HNF4G: variants seen among roughly 807,000 people sequenced by gnomAD.
The protein encoded by HNF4G is hepatocyte nuclear factor 4-gamma.
HNF4G carries 21 observed loss-of-function variants against 50.9 expected under a neutral mutation model. The observed-to-expected ratio is 0.41, with a 90% CI of 0.29 to 0.59. The LOEUF (loss-of-function observed/expected upper bound fraction) is 0.59, where lower values mean the gene tolerates loss of function less well. Among genes scored for constraint, HNF4G ranks in the 20% least tolerant of loss-of-function variants. The pLI, the probability that HNF4G is intolerant of heterozygous loss-of-function variation, is 0.26. For missense variants in HNF4G, 527 were observed against 559.4 expected (o/e 0.94, Z 0.58); for synonymous variants, 198 against 185.6 (o/e 1.07, Z -0.54).
chr8:75,483,699 T>A (rs1812434587), intron 1 of HNF4G, among the ~76,000 whole-genome samples: 1 of 152,230 alleles, frequency 6.6e-6, no homozygotes, highest in African/African-American at 2.4e-5. Flanking sequence ...GTCCGCTCTC[T>A]TAAAACTGAG....
chr8:75,460,343 T>A (rs1041230590), intron 1 of HNF4G, among the ~76,000 whole-genome samples: 2 of 152,164 alleles, frequency 1.3e-5, no homozygotes, highest in African/African-American at 2.4e-5. Context: ...AATCTATAAA[T>A]GCAAACCATG....
At chr8:75,462,199 G>A (rs980754864) in intron 1 of HNF4G, among the ~76,000 whole-genome samples, 144 of 152,274 alleles carry the variant, frequency 9.5e-4, no homozygotes, top group Middle Eastern at 3.4e-3. Flanking sequence ...TTACAGGTGT[G>A]AGCCACTGCG....
At chr8:75,477,697 G>A (rs1313442797) in intron 1 of HNF4G, among the ~76,000 whole-genome samples, 1 of 152,008 alleles carries the variant, frequency 6.6e-6, no homozygotes, top group Non-Finnish European at 1.5e-5. Flanking sequence ...GCCGGGCGTG[G>A]TGGCTCACAC....
intron 2 of HNF4G, among the ~76,000 whole-genome samples, chr8:75,507,671 T>C (rs546208006): frequency 1.1e-4 from 16 of 152,342 alleles, no homozygotes; most frequent in African/African-American, 2.9e-4. Context: ...TGATGTGCTA[T>C]ACTCTTCAAA....
At chr8:75,554,838 G>C (rs1441874764) in intron 5 of HNF4G, among the ~76,000 whole-genome samples, 1 of 152,194 alleles carries the variant, frequency 6.6e-6, no homozygotes, top group African/African-American at 2.4e-5. Flanking sequence ...GGGATAAAAT[G>C]AGAAGAGATA....
chr8:75,510,378 A>G (rs1316214339), intron 2 of HNF4G, among the ~76,000 whole-genome samples: 1 of 152,184 alleles, frequency 6.6e-6, no homozygotes, highest in East Asian at 1.9e-4. Context: ...ATTTTAAAAT[A>G]AATTCAGTGT....
At chr8:75,542,166 G>A (rs376882498) in intron 1 of HNF4G, among the ~76,000 whole-genome samples, 1 of 151,956 alleles carries the variant, frequency 6.6e-6, no homozygotes, top group African/African-American at 2.4e-5. Flanking sequence ...CTAGCTGGAT[G>A]TGGTGATGTA....
At chr8:75,472,400 C>T (rs188033012) in intron 1 of HNF4G, among the ~76,000 whole-genome samples, 31 of 152,224 alleles carry the variant, frequency 2.0e-4, no homozygotes, top group Middle Eastern at 3.4e-3. Flanking sequence ...AAACTTTGTG[C>T]AGTAGAATTT....
intron 2 of HNF4G, among the ~76,000 whole-genome samples, chr8:75,530,724 C>T (rs978154427): frequency 2.6e-5 from 4 of 151,194 alleles, no homozygotes; most frequent in African/African-American, 7.3e-5. Context: ...AAGAGCAAAG[C>T]TGCAAAGAGA....
At chr8:75,528,525 T>C (rs1806240895) in intron 2 of HNF4G, among the ~76,000 whole-genome samples, 1 of 152,206 alleles carries the variant, frequency 6.6e-6, no homozygotes, top group African/African-American at 2.4e-5. Context: ...CTTCACTTTC[T>C]CTGTGTTTGA....
intron 4 of HNF4G, among the ~76,000 whole-genome samples, chr8:75,552,483 A>G (rs1203825064): frequency 2.0e-5 from 3 of 152,150 alleles, no homozygotes; most frequent in African/African-American, 7.2e-5. Context: ...CAAATTTATT[A>G]TATGTTAAGC....
At chr8:75,512,506 C>T (rs949378930) in intron 2 of HNF4G, among the ~76,000 whole-genome samples, 2 of 151,120 alleles carry the variant, frequency 1.3e-5, no homozygotes, top group African/African-American at 4.9e-5. Context: ...ACTCTGTCGC[C>T]CAGGCTGGAG....
At chr8:75,414,569 A>C (rs531979200) in intron 1 of HNF4G, among the ~76,000 whole-genome samples, 1 of 152,174 alleles carries the variant, frequency 6.6e-6, no homozygotes, top group African/African-American at 2.4e-5. Flanking sequence ...CCCTGTCCCA[A>C]AGCAACCATT....
At chr8:75,427,020 A>G (rs995006173) in intron 1 of HNF4G, among the ~76,000 whole-genome samples, 14 of 152,168 alleles carry the variant, frequency 9.2e-5, no homozygotes, top group Non-Finnish European at 2.1e-4. Context: ...AAGTGGTTTT[A>G]GTTTTGAAAA....
At chr8:75,420,901 G>A (rs989197273) in intron 1 of HNF4G, among the ~76,000 whole-genome samples, 5 of 152,104 alleles carry the variant, frequency 3.3e-5, no homozygotes, top group Non-Finnish European at 2.9e-5. Context: ...ATTACATGAC[G>A]TAATTATTTT....
In HNF4G at chr8:75,497,500, A is replaced by G. The variant is rs190508148; in HGVS notation, c.-24+7292A>G. ...GGAGTTCGAGGTCAGTGTGGCCAAC[A>G]TGGTGAAACCCCGTCTCTACTAAAA... On this transcript the variant is annotated intron_variant, in intron 2 of 10. Transcript: ENST00000354370. 1.3e-3 allele frequency among the ~76,000 whole-genome samples: 202 copies of G among 152,266 alleles called. 1 individual carries two copies. The highest frequency in any genetic ancestry group is 2.4e-3 in the Non-Finnish European group (160 of 68,012).
intron 2 of HNF4G, among the ~76,000 whole-genome samples, chr8:75,522,214 A>C (rs747277638): frequency 5.3e-5 from 8 of 152,232 alleles, no homozygotes; most frequent in Non-Finnish European, 1.0e-4. Flanking sequence ...TAATTAAACA[A>C]ACTTTTTTTA....
chr8:75,521,354 A>C (rs570268807), intron 2 of HNF4G, among the ~76,000 whole-genome samples: 35 of 152,332 alleles, frequency 2.3e-4, no homozygotes, highest in African/African-American at 7.9e-4. Context: ...AGTGCGACAC[A>C]AGCAAATTAT....
At chr8:75,408,462 T>C (rs1001011937) in intron 1 of HNF4G, among the ~76,000 whole-genome samples, 2 of 152,128 alleles carry the variant, frequency 1.3e-5, no homozygotes, top group African/African-American at 4.8e-5. Flanking sequence ...ACCCCATGCA[T>C]GGCCTTTGCT....
Sources: gnomAD v4.1 joint callset for allele counts (sites outside exome capture counted in the v4.1 genomes callset) on GRCh38, gnomAD v4.1.1 for gene constraint, MANE v1.5 for transcripts, NCBI Gene and HGNC (gene_info 2026-07-23, HGNC 2026-07-21) for gene names.